The following ERBIN variants were observed in gnomAD, a reference collection of about 807,000 sequenced individuals.
The protein encoded by ERBIN is densin-180-like protein.
In ERBIN, 60 loss-of-function variants were observed where a neutral mutation model predicts 158.4. That is an observed-to-expected ratio of 0.38 (90% confidence interval 0.31 to 0.47). The LOEUF is 0.47. ERBIN is among the 20% of genes least tolerant of loss of function. The pLI, the probability that ERBIN is intolerant of heterozygous loss-of-function variation, is 0.99. For synonymous variants in ERBIN, 594 were observed against 557.2 expected (o/e 1.07, Z -0.93); for missense variants, 1,610 against 1,648.0 (o/e 0.98, Z 0.40).
At chr5:66,025,385 A>G in intron 10 of ERBIN, 95 bp from the exon 11 acceptor site, 1 of 908,410 alleles carries the variant, frequency 1.1e-6, no homozygotes, top group Non-Finnish European at 1.8e-6. Context: ...AGTTGTTTCT[A>G]ATTCTTGTCA....
At chr5:66,052,505 TTTTA>T (rs1352306090) in intron 20 of ERBIN, among the ~76,000 whole-genome samples, 1 of 152,176 alleles carries the variant, frequency 6.6e-6, no homozygotes, top group African/African-American at 2.4e-5. Context: ...AATAATAAAA[TTTTA>T]TTTATTGTTG....
In ERBIN at chr5:66,053,493, A is replaced by G. The variant is rs1759257556; in HGVS notation, c.2175A>G (p.Lys725=). 1 of 1,608,072 alleles carries G rather than the reference A, an allele frequency of 6.2e-7. No individual in the cohort carries two copies. The highest frequency in any genetic ancestry group is 1.3e-5 in the African/African-American group (1 of 74,368). ...STEEKFKAHD[K]KDFNLPEYDL... is the part of the protein sequence containing the mutation. Reference sequence around the variant, plus strand: ...AGGAAAAGTTCAAAGCTCATGATAAAAAAGATTTTAACTTACCTGAATATG... The same window carrying G: ...AGGAAAAGTTCAAAGCTCATGATAAGAAAGATTTTAACTTACCTGAATATG... Residue 725 remains lysine (K), a synonymous_variant, in exon 21 of 26, where the codon AAA becomes AAG. Coordinates refer to ENST00000284037, the MANE Select transcript of ERBIN (RefSeq NM_001253697.2).
Position 66,055,312 on chromosome 5 carries a change from A to G in ERBIN, c.3633+361A>G, listed in dbSNP as rs181174679. 3.2e-3 allele frequency among the ~76,000 whole-genome samples: 486 copies of G among 152,330 alleles called. 5 individuals are homozygous for G. The highest frequency in any genetic ancestry group is 0.018 in the South Asian group (89 of 4,828). Reference sequence around the variant, plus strand: ...ATCTAAATTTAAAAAATAGTTTACTATATAGTTAAGACAATAACAAAAAAT... The same window carrying G: ...ATCTAAATTTAAAAAATAGTTTACTGTATAGTTAAGACAATAACAAAAAAT... On this transcript the variant is annotated intron_variant, in intron 21 of 25. Transcript: ENST00000284037.
At chr5:65,958,353 C>T (rs1338173990) in intron 1 of ERBIN, among the ~76,000 whole-genome samples, 2 of 152,100 alleles carry the variant, frequency 1.3e-5, no homozygotes, top group African/African-American at 4.8e-5. Context: ...TGAACGAGGA[C>T]TCCATCTGCA....
chr5:66,037,384 C>T (rs1048799009), intron 14 of ERBIN, among the ~76,000 whole-genome samples: 2 of 152,084 alleles, frequency 1.3e-5, no homozygotes, highest in African/African-American at 4.8e-5. Flanking sequence ...GTAAGCGCTA[C>T]CCTCACCTCC....
intron 21 of ERBIN, among the ~76,000 whole-genome samples, chr5:66,062,686 CT>C (rs1287823774): frequency 6.6e-6 from 1 of 152,136 alleles, no homozygotes; most frequent in Non-Finnish European, 1.5e-5. Context: ...TACCTTTGGT[CT>C]TTGATGATGG....
In ERBIN at chr5:66,018,539, A is replaced by ATATATAATATATAT. The variant is rs1755210648; in HGVS notation, c.534-2777_534-2776insATATATATTATATA. 2.1e-4 allele frequency among the ~76,000 whole-genome samples: 2 copies of ATATATAATATATAT among 9,502 alleles called. 1 individual carries two copies. Among genetic ancestry groups the ATATATAATATATAT allele is most frequent in the Admixed American group, 5.2e-3 (2 of 384 alleles). The allele number at this position is 9,502 out of a possible 152,430, so 6.2% of individuals were successfully genotyped here. ...TATATAATATATATTATATTATATA[A>ATATATAATATATAT]TATATATTATATATTATATAATATA... On this transcript the variant is annotated intron_variant, in intron 7 of 25. Coordinates refer to ENST00000284037, the MANE Select transcript of ERBIN (RefSeq NM_001253697.2).
intron 1 of ERBIN, among the ~76,000 whole-genome samples, chr5:65,940,730 C>A (rs1402866986): frequency 6.8e-5 from 10 of 147,756 alleles, no homozygotes; most frequent in Non-Finnish European, 1.3e-4. Context: ...CCGCCCCGTC[C>A]GGGAGGTGAG....
Position 66,078,623 on chromosome 5 carries a change from GAA to G in ERBIN, c.*94_*95del. The G allele has an allele frequency of 1.3e-6, 1 of 774,472 alleles. No individual in the cohort carries two copies. The highest frequency in any genetic ancestry group is 2.1e-6 in the Non-Finnish European group (1 of 466,592). 48.0% of individuals were successfully genotyped at this position (774,472 alleles called of 1,614,324 possible). A position where few individuals can be genotyped will look rare whatever the true frequency, so the allele number is the denominator to read the frequency against. ...TATTTTGACTATTTTTATATATAAA[GAA>G]GAACTCAAAAAATTATGTTCAAATT... On this transcript the variant is annotated 3_prime_UTR_variant, in exon 26 of 26. Transcript: ENST00000284037.
intron 14 of ERBIN, among the ~76,000 whole-genome samples, chr5:66,032,231 T>TTA (rs1756962913): frequency 6.6e-6 from 1 of 152,202 alleles, no homozygotes; most frequent in South Asian, 2.1e-4. Context: ...GAGGAACCTG[T>TTA]ATTATATCTC....
intron 1 of ERBIN, among the ~76,000 whole-genome samples, chr5:65,955,853 T>C (rs1277240821): frequency 6.6e-6 from 1 of 152,224 alleles, no homozygotes; most frequent in Non-Finnish European, 1.5e-5. Flanking sequence ...ATTTGTAAGT[T>C]TGAAATTGCA....
chr5:66,064,520 G>A (rs1580520502), intron 21 of ERBIN, among the ~76,000 whole-genome samples: 1 of 152,140 alleles, frequency 6.6e-6, no homozygotes, highest in African/African-American at 2.4e-5. Flanking sequence ...AGGATGATAT[G>A]TGTTACGTAG....
At chr5:65,993,734 A>G (rs1752132417) in intron 3 of ERBIN, among the ~76,000 whole-genome samples, 1 of 152,182 alleles carries the variant, frequency 6.6e-6, no homozygotes, top group Admixed American at 6.5e-5. Context: ...AAAAAAAACT[A>G]TAAATTTGGA....
Position 66,078,604 on chromosome 5 carries a change from G to A in ERBIN, c.*74G>A. ...TACTTACAGGGGAAATTAATATTTT[G>A]ACTATTTTTATATATAAAGAAGAAC... On this transcript the variant is annotated 3_prime_UTR_variant, in exon 26 of 26. Coordinates refer to ENST00000284037, the MANE Select transcript of ERBIN (RefSeq NM_001253697.2). 1 of 884,912 alleles carries A rather than the reference G, an allele frequency of 1.1e-6. No individual in the cohort carries two copies. The allele number at this position is 884,912 out of a possible 1,614,324, so 54.8% of individuals were successfully genotyped here.
intron 2 of ERBIN, among the ~76,000 whole-genome samples, chr5:65,989,505 C>T (rs1166406566): frequency 6.6e-6 from 1 of 152,150 alleles, no homozygotes; most frequent in East Asian, 1.9e-4. Context: ...CCAATCTAAT[C>T]TTTCTTTTCT....
chr5:66,049,253 T>C (rs879310791), intron 19 of ERBIN, among the ~76,000 whole-genome samples: 2 of 152,080 alleles, frequency 1.3e-5, no homozygotes, highest in African/African-American at 2.4e-5. Flanking sequence ...CCAGCCATTC[T>C]TTCATATAAG....
At chr5:65,944,409 GTT>G (rs983577655) in intron 1 of ERBIN, among the ~76,000 whole-genome samples, 1 of 151,438 alleles carries the variant, frequency 6.6e-6, no homozygotes, top group African/African-American at 2.4e-5. Flanking sequence ...TTTGTTTTTT[GTT>G]TTTTGTTTTG....
chr5:66,055,168 A>G, intron 21 of ERBIN: 1 of 1,162,800 alleles, frequency 8.6e-7, no homozygotes, highest in Non-Finnish European at 1.1e-6. Context: ...TGTTTCTAAC[A>G]AAAATGTATT....
chr5:65,973,309 G>C (rs1327592977), intron 1 of ERBIN, among the ~76,000 whole-genome samples: 1 of 151,000 alleles, frequency 6.6e-6, no homozygotes. Context: ...TGTAAATGAC[G>C]AGTTAATGGG....
Sources: allele counts gnomAD v4.1 joint callset (sites outside exome capture counted in the v4.1 genomes callset), GRCh38; gene constraint gnomAD v4.1.1; transcripts MANE v1.5; gene names NCBI Gene and HGNC (gene_info 2026-07-23, HGNC 2026-07-21).